Variants in PIGK observed in about 807,000 individuals in gnomAD.
The protein encoded by PIGK is GPI-anchor transamidase.
In PIGK, 42 loss-of-function variants were observed where a neutral mutation model predicts 50.6. The ratio of observed to expected loss-of-function variants is 0.83; its 90% CI spans 0.65 to 1.07. PIGK has a LOEUF of 1.07. PIGK is among the 50% of genes least tolerant of loss of function. The probability of loss-of-function intolerance (pLI) is 0.00; values close to 1 mark genes in which losing one functional copy is unlikely to be tolerated. For missense variants in PIGK, 448 were observed against 488.7 expected (o/e 0.92, Z 0.78); for synonymous variants, 151 against 156.0 (o/e 0.97, Z 0.24).
At chr1:77,191,035 C>T (rs74092446) in intron 3 of PIGK, among the ~76,000 whole-genome samples, 1,739 of 152,328 alleles carry the variant, frequency 0.011, 37 homozygotes, top group African/African-American at 0.04. Context: ...TCTCTTTCTT[C>T]CTGTTTTCCA....
At chr1:77,136,980 T>C (rs1427631119) in intron 9 of PIGK, among the ~76,000 whole-genome samples, 1 of 152,230 alleles carries the variant, frequency 6.6e-6, no homozygotes, top group African/African-American at 2.4e-5. Context: ...TATCTATTCA[T>C]ACCTTTTTGA....
chr1:77,176,119 C>T (rs1409642302), intron 3 of PIGK, among the ~76,000 whole-genome samples: 1 of 152,020 alleles, frequency 6.6e-6, no homozygotes, highest in Non-Finnish European at 1.5e-5. Flanking sequence ...AAGGTTTTTG[C>T]CTTTTTAGAA....
chr1:77,148,563 G>A (rs1294246695), intron 9 of PIGK, among the ~76,000 whole-genome samples: 1 of 151,930 alleles, frequency 6.6e-6, no homozygotes, highest in Non-Finnish European at 1.5e-5. Context: ...AAAACAATTT[G>A]TCAACATAGG....
rs567382993 is a variant in PIGK at position 77,189,077 on chromosome 1, A to G, written c.239+17563T>C. 6.5e-4 allele frequency among the ~76,000 whole-genome samples: 99 copies of G among 152,252 alleles called. 1 individual carries two copies. In the South Asian group the frequency reaches 0.019, roughly 30 times the overall value. ...TGTACTTAGAAAATATCTTCAGTTT[A>G]TTTCCTTTTTCCTTTATCATATGAC... is the stretch of plus-strand genomic sequence containing the variant. On this transcript the variant is annotated intron_variant, in intron 3 of 10. Coordinates refer to ENST00000370812, the MANE Select transcript of PIGK (RefSeq NM_005482.3).
At chr1:77,125,164 T>C (rs1654202474) in intron 9 of PIGK, among the ~76,000 whole-genome samples, 1 of 152,226 alleles carries the variant, frequency 6.6e-6, no homozygotes, top group Admixed American at 6.5e-5. Context: ...TCTTTAGGTA[T>C]ACAAAAATAT....
chr1:77,113,876 T>C (rs1187338379), intron 10 of PIGK, among the ~76,000 whole-genome samples: 1 of 152,126 alleles, frequency 6.6e-6, no homozygotes, highest in South Asian at 2.1e-4. Context: ...TCCCCTATCA[T>C]TTTTTGAACC....
At chr1:77,165,017 T>C (rs1411740831) in intron 5 of PIGK, among the ~76,000 whole-genome samples, 1 of 152,180 alleles carries the variant, frequency 6.6e-6, no homozygotes. Context: ...GCACAACTAC[T>C]GAACTCTGCT....
chr1:77,172,070 A>ATTTTTTTTTTTTTTTT (rs34115617), intron 3 of PIGK, among the ~76,000 whole-genome samples: 11 of 130,938 alleles, frequency 8.4e-5, no homozygotes, highest in African/African-American at 1.4e-4. Context: ...TCTACATTTA[A>ATTTTTTTTTTTTTTTT]TTTTTTTTTT....
At chr1:77,200,181 A>T (rs1281563333) in intron 3 of PIGK, among the ~76,000 whole-genome samples, 2 of 152,056 alleles carry the variant, frequency 1.3e-5, no homozygotes, top group African/African-American at 4.8e-5. Flanking sequence ...GATGAGTTGG[A>T]GGGGGAAAGG....
In PIGK at chr1:77,210,601, C is replaced by T. The variant is rs113355083; in HGVS notation, c.94-112G>A. On this transcript the variant is annotated intron_variant, in intron 1 of 10. Coordinates refer to ENST00000370812, the MANE Select transcript of PIGK (RefSeq NM_005482.3). ...TACAGTTGTAATAACAATCATCTTA[C>T]GTAAGTTTATGAAGATTCCAGTATT... 7.0e-5 allele frequency: 42 copies of T among 601,224 alleles called. 1 individual carries two copies. Among genetic ancestry groups the T allele is most frequent in the African/African-American group, 2.1e-4 (11 of 51,824 alleles). The allele number at this position is 601,224 out of a possible 1,614,324, so 37.2% of individuals were successfully genotyped here.
intron 10 of PIGK, among the ~76,000 whole-genome samples, chr1:77,096,436 A>G (rs1653406583): frequency 6.6e-6 from 1 of 152,146 alleles, no homozygotes; most frequent in South Asian, 2.1e-4. Flanking sequence ...AAAATGCAAC[A>G]CAAGTAACAA....
intron 1 of PIGK, among the ~76,000 whole-genome samples, chr1:77,212,287 T>C (rs933145689): frequency 6.6e-6 from 1 of 152,164 alleles, no homozygotes; most frequent in Non-Finnish European, 1.5e-5. Flanking sequence ...CTGGGCTCTA[T>C]TACTTACTAG....
intron 6 of PIGK, among the ~76,000 whole-genome samples, chr1:77,162,551 A>G (rs1383711286): frequency 1.3e-5 from 2 of 152,120 alleles, no homozygotes; most frequent in Non-Finnish European, 2.9e-5. Context: ...AGAAACCATG[A>G]AAGGTTTTTG....
chr1:77,185,392 C>T (rs1655717024), intron 3 of PIGK, among the ~76,000 whole-genome samples: 1 of 152,204 alleles, frequency 6.6e-6, no homozygotes. Context: ...ATTGGTGAGA[C>T]ATTTGCATGC....
At chr1:77,187,710 T>G (rs555454173) in intron 3 of PIGK, among the ~76,000 whole-genome samples, 5 of 152,268 alleles carry the variant, frequency 3.3e-5, no homozygotes, top group African/African-American at 1.2e-4. Flanking sequence ...AATGGGAAAC[T>G]ATAACAGCCC....
At chr1:77,162,464 T>C (rs1411426987) in intron 6 of PIGK, among the ~76,000 whole-genome samples, 1 of 152,044 alleles carries the variant, frequency 6.6e-6, no homozygotes, top group African/African-American at 2.4e-5. Flanking sequence ...TGGAGGGAAA[T>C]TGGTTTCAAA....
At chr1:77,185,575 A>C (rs530759874) in intron 3 of PIGK, among the ~76,000 whole-genome samples, 67 of 151,800 alleles carry the variant, frequency 4.4e-4, no homozygotes, top group Non-Finnish European at 7.8e-4. Flanking sequence ...AGTGGGCCTA[A>C]CTGGATTTTG....
At chr1:77,106,068 C>A (rs150123955) in intron 10 of PIGK, among the ~76,000 whole-genome samples, 1 of 152,140 alleles carries the variant, frequency 6.6e-6, no homozygotes, top group Admixed American at 6.5e-5. Context: ...CAAAAGAAAA[C>A]CATCAACACA....
intron 1 of PIGK, among the ~76,000 whole-genome samples, chr1:77,216,240 A>G (rs1293008035): frequency 6.6e-6 from 1 of 152,196 alleles, no homozygotes; most frequent in Non-Finnish European, 1.5e-5. Flanking sequence ...CAATTAAAAT[A>G]TACATATTAC....
Sources: allele counts gnomAD v4.1 joint callset (sites outside exome capture counted in the v4.1 genomes callset), GRCh38; gene constraint gnomAD v4.1.1; transcripts MANE v1.5; gene names NCBI Gene and HGNC (gene_info 2026-07-23, HGNC 2026-07-21).